The following USP6 variants were observed in gnomAD, a reference collection of about 807,000 sequenced individuals.
USP6 encodes ubiquitin carboxyl-terminal hydrolase 6.
A neutral mutation model predicts 175.7 loss-of-function variants in USP6; 128 were observed. The ratio of observed to expected loss-of-function variants is 0.73; its 90% CI spans 0.63 to 0.84. USP6 has a LOEUF of 0.84. Ranked by LOEUF, USP6 falls within the 40% of genes least tolerant of loss-of-function variation. The pLI, the probability that USP6 is intolerant of heterozygous loss-of-function variation, is 0.00. For synonymous variants in USP6, 562 were observed against 630.6 expected (o/e 0.89, Z 1.63); for missense variants, 1,498 against 1,760.3 (o/e 0.85, Z 2.67).
chr17:5,153,845 A>G (rs1338738049), intron 30 of USP6, among the ~76,000 whole-genome samples: 1 of 152,056 alleles, frequency 6.6e-6, no homozygotes, highest in Non-Finnish European at 1.5e-5. Context: ...TAGTAGAGAC[A>G]GGGTTTCACC....
At chr17:5,149,768 G>A (rs2073713846) in intron 30 of USP6, among the ~76,000 whole-genome samples, 1 of 151,848 alleles carries the variant, frequency 6.6e-6, no homozygotes, top group South Asian at 2.1e-4. Context: ...TTTCTTGATA[G>A]TCTAATATAT....
chr17:5,151,271 A>G (rs925567144), intron 30 of USP6, among the ~76,000 whole-genome samples: 1 of 152,242 alleles, frequency 6.6e-6, no homozygotes, highest in Non-Finnish European at 1.5e-5. Flanking sequence ...TAAGACATCT[A>G]TATAGAAAAT....
rs761649945 is a variant in USP6 at position 5,137,197 on chromosome 17, A to G, written c.825+11A>G. 1 of 1,612,362 alleles carries G rather than the reference A, an allele frequency of 6.2e-7. No individual in the cohort carries two copies. The highest frequency in any genetic ancestry group is 1.1e-5 in the South Asian group (1 of 91,040). On this transcript the variant is annotated intron_variant, in intron 19 of 37. Coordinates refer to ENST00000574788, the MANE Select transcript of USP6 (RefSeq NM_001304284.2). ...AACCTGATTGACGGGGTAAGGAGGC[A>G]TAGGGAGACCCTGGCTCAGGGACCC...
intron 4 of USP6, chr17:5,122,858 GGGGTTAT>G (rs1284998286): frequency 5.3e-5 from 8 of 152,312 alleles, no homozygotes; most frequent in African/African-American, 1.7e-4. Context: ...CCCGCGGCGG[GGGGTTAT>G]GCCAAGGAAG....
rs1346661890 is a variant in USP6 at position 5,139,277 on chromosome 17, G to C, written c.1101G>C (p.Leu367Phe). Reference protein sequence around the residue: ...PPPAKREQGSLAPRPVPASRG... With the variant: ...PPPAKREQGSFAPRPVPASRG... ...CAGCCAAACGCGAGCAAGGGTCCTT[G>C]GCACCCAGGCCTGTGCCGGCTTCAC... is the stretch of plus-strand genomic sequence containing the variant. Residue 367 changes from leucine to phenylalanine, a missense_variant, in exon 22 of 38, where the codon TTG becomes TTC. By Grantham distance (22) the Leu-to-Phe change is conservative. Around this residue, in one of 2 missense-constraint regions of USP6, gnomAD observed 1,217 missense variants for 1,500.8 expected, o/e 0.81. Transcript: ENST00000574788. 1 of 1,604,166 alleles carries C rather than the reference G, an allele frequency of 6.2e-7. No individual in the cohort carries two copies. Among genetic ancestry groups the C allele is most frequent in the Non-Finnish European group, 8.5e-7 (1 of 1,179,998 alleles).
chr17:5,138,037 A>G (rs1435422195), intron 20 of USP6, 84 bp from the exon 21 acceptor site: 4 of 1,608,278 alleles, frequency 2.5e-6, no homozygotes, highest in Non-Finnish European at 3.4e-6. Flanking sequence ...GGCACCGCCC[A>G]GTGGGAGACT....
chr17:5,124,174 C>T (rs2072815171), intron 4 of USP6, among the ~76,000 whole-genome samples: 1 of 152,196 alleles, frequency 6.6e-6, no homozygotes, highest in Non-Finnish European at 1.5e-5. Context: ...ATAAACACAG[C>T]ACTCTGTAAC....
intron 35 of USP6, among the ~76,000 whole-genome samples, chr17:5,170,049 AG>A (rs2074179620): frequency 6.6e-6 from 1 of 152,244 alleles, no homozygotes; most frequent in Admixed American, 6.5e-5. Flanking sequence ...TGAGACACAG[AG>A]GTAACAACGG....
rs539144930 is a variant in USP6 at position 5,124,359 on chromosome 17, C to T, written c.-1298-207C>T. On this transcript the variant is annotated intron_variant, in intron 4 of 37. Transcript: ENST00000574788. Reference sequence around the variant, plus strand: ...ACATAATCGGGTCACTAAACAAATCCCAGAGGGCCCAGCCCCAGCTGTTGC... The same window carrying T: ...ACATAATCGGGTCACTAAACAAATCTCAGAGGGCCCAGCCCCAGCTGTTGC... Among the ~76,000 whole-genome samples, 12 of 152,280 alleles carry T rather than the reference C, an allele frequency of 7.9e-5. No individual in the cohort carries two copies. In the East Asian group the frequency reaches 2.3e-3, roughly 29 times the overall value.
chr17:5,139,673 G>A lies in USP6; in HGVS notation c.1497G>A (p.Glu499=), dbSNP rs763189590. The A allele has an allele frequency of 1.2e-6, 2 of 1,606,960 alleles. No homozygotes were observed. Among genetic ancestry groups the A allele is most frequent in the East Asian group, 2.2e-5 (1 of 44,874 alleles). ...ATCWQAEHCG[E]VHNKDMSWPE... Reference sequence around the variant, plus strand: ...GCTGGCAGGCTGAACACTGCGGAGAGGGTGAGGTTGGCTTTCACTGCACTG... The same window carrying A: ...GCTGGCAGGCTGAACACTGCGGAGAAGGTGAGGTTGGCTTTCACTGCACTG... The change falls in exon 22 of 38, where the codon GAG becomes GAA. Residue 499 remains glutamate (E), a splice_region_variant and synonymous_variant. Transcript: ENST00000574788.
intron 18 of USP6, 33 bp from the exon 19 acceptor site, chr17:5,137,087 AG>A: frequency 6.2e-7 from 1 of 1,611,298 alleles, no homozygotes; most frequent in Non-Finnish European, 8.5e-7. Context: ...AGGGCAGCCC[AG>A]GGGGCCCTGA....
chr17:5,155,329 G>T, intron 30 of USP6, 93 bp from the exon 31 acceptor site: 2 of 1,383,710 alleles, frequency 1.4e-6, no homozygotes, highest in South Asian at 1.3e-5. Context: ...ATTTGAAATG[G>T]TGATAATGCC....
At position 5,117,546 on chromosome 17, in the gene USP6, T is replaced by G. The variant is rs531719030; in HGVS notation, c.-1927-654T>G. ...AAAAAAAAAAAAGCTCAATAAATAT[T>G]TACAGCACAAGTGAATAAATGGGGT... On this transcript the variant is annotated intron_variant, in intron 1 of 37. Transcript: ENST00000574788. Among the ~76,000 whole-genome samples, 4 of 151,654 alleles carry G rather than the reference T, an allele frequency of 2.6e-5. No homozygotes were observed. In the East Asian group the frequency reaches 5.9e-4, roughly 22 times the overall value.
chr17:5,166,310 T>C (rs928648417), intron 33 of USP6, among the ~76,000 whole-genome samples: 4 of 152,252 alleles, frequency 2.6e-5, no homozygotes, highest in African/African-American at 9.6e-5. Flanking sequence ...TGGGTAGTTA[T>C]GCAGTGCTAG....
At chr17:5,156,400 C>T (rs1201058880) in intron 31 of USP6, among the ~76,000 whole-genome samples, 2 of 152,030 alleles carry the variant, frequency 1.3e-5, no homozygotes, top group Non-Finnish European at 2.9e-5. Flanking sequence ...CTCCACCTCC[C>T]GGGTTCAAAC....
intron 31 of USP6, 112 bp downstream of exon 31, chr17:5,155,718 C>A: frequency 1.1e-6 from 1 of 941,602 alleles, no homozygotes; most frequent in Non-Finnish European, 1.4e-6. Flanking sequence ...GGCGCCCAGC[C>A]AAAATAAGTT....
At chr17:5,152,420 C>G (rs972855746) in intron 30 of USP6, among the ~76,000 whole-genome samples, 1 of 152,138 alleles carries the variant, frequency 6.6e-6, no homozygotes, top group Non-Finnish European at 1.5e-5. Context: ...AATACAACTA[C>G]TTTGGAATAC....
intron 22 of USP6, 110 bp downstream of exon 22, chr17:5,139,784 G>C (rs1233585326): frequency 6.3e-7 from 1 of 1,595,162 alleles, no homozygotes; most frequent in Non-Finnish European, 8.5e-7. Context: ...AGCTAGGGAC[G>C]AGCAGCAGTG....
rs150711050 is a variant in USP6 at position 5,134,306 on chromosome 17, G to T, written c.494+310G>T. 4.6e-3 allele frequency: 1,643 copies of T among 354,134 alleles called. 53 individuals are homozygous for T. In the Admixed American group the frequency reaches 0.061, roughly 13 times the overall value. 21.9% of individuals were successfully genotyped at this position (354,134 alleles called of 1,614,324 possible). On this transcript the variant is annotated intron_variant, in intron 15 of 37. Transcript: ENST00000574788. ...GACCCATGGTAGGACCCACAGGAGG[G>T]TGGCAGGATGGAGGGCCCATGAGCC...
Sources: gnomAD v4.1 joint callset for allele counts (sites outside exome capture counted in the v4.1 genomes callset) on GRCh38, gnomAD v4.1.1 for gene constraint, gnomAD v4.1.1 regional missense constraint, MANE v1.5 for transcripts, NCBI Gene and HGNC (gene_info 2026-07-23, HGNC 2026-07-21) for gene names.